PHEX: variants seen among roughly 807,000 people sequenced by gnomAD.
The protein encoded by PHEX is phosphate regulating endopeptidase X-linked.
Under a neutral mutation model 68.0 loss-of-function variants are expected in PHEX, and 16 were observed. The ratio of observed to expected loss-of-function variants is 0.24; its 90% confidence interval spans 0.16 to 0.36. The LOEUF is 0.36. Ranked by LOEUF, PHEX falls within the 10% of genes least tolerant of loss-of-function variation. The pLI is 1.00. For missense variants in PHEX, 480 were observed against 575.5 expected (o/e 0.83, Z 1.70); for synonymous variants, 208 against 205.1 (o/e 1.01, Z -0.12).
At chrX:22,071,875 A>T (rs1231124081) in intron 3 of PHEX, among the ~76,000 whole-genome samples, 1 of 112,122 alleles carries the variant, frequency 8.9e-6, no homozygotes, top group Non-Finnish European at 1.9e-5. Context: ...AGGCGGGTGG[A>T]TCACCTGAGG....
Position 22,108,182 on chromosome X carries a change from T to C in PHEX, c.1080-3285T>C, listed in dbSNP as rs190767348. On this transcript the variant is annotated intron_variant, in intron 9 of 21. Transcript: ENST00000379374. Reference sequence around the variant, plus strand: ...AACCACTTAGTGGCCTCAACAGAGATGGGCAAGGGCTGGACTTTGCTGATT... The same window carrying C: ...AACCACTTAGTGGCCTCAACAGAGACGGGCAAGGGCTGGACTTTGCTGATT... Among the ~76,000 whole-genome samples the C allele has an allele frequency of 1.3e-4, 15 of 111,910 alleles. No individual in the cohort carries two copies. The East Asian group carries it at 3.9e-3, about 29-fold the overall frequency.
chrX:22,163,110 G>A (rs1933193655), intron 12 of PHEX: 1 of 111,893 alleles, frequency 8.9e-6, no homozygotes, highest in Non-Finnish European at 1.9e-5. Flanking sequence ...ACAATTTATA[G>A]GACAAACCCC....
intron 21 of PHEX, 98 bp from the exon 22 acceptor site, chrX:22,247,753 G>T: frequency 1.6e-6 from 1 of 628,378 alleles, no homozygotes; most frequent in South Asian, 2.3e-5. Flanking sequence ...TTAAAAGAAT[G>T]CCAACCTTCT....
chrX:22,166,818 A>C (rs1030098052), intron 12 of PHEX, among the ~76,000 whole-genome samples: 1 of 110,408 alleles, frequency 9.1e-6, no homozygotes, highest in Non-Finnish European at 1.9e-5. Flanking sequence ...ATCCTACTGT[A>C]CTCTGTTATG....
intron 20 of PHEX, among the ~76,000 whole-genome samples, chrX:22,237,513 C>G (rs1936022278): frequency 1.8e-5 from 2 of 111,793 alleles, no homozygotes; most frequent in African/African-American, 6.5e-5. Context: ...TGAGAACCTT[C>G]CTGGTATCTA....
intron 12 of PHEX, chrX:22,163,415 G>A (rs1401758144): frequency 9.0e-6 from 1 of 111,188 alleles, no homozygotes; most frequent in Non-Finnish European, 1.9e-5. Flanking sequence ...TAGGTAGACA[G>A]TAGGCGGTGT....
chrX:22,037,467 A>C lies in PHEX; in HGVS notation c.119-1002A>C, dbSNP rs770355099. Among the ~76,000 whole-genome samples, 4 of 111,513 alleles carry C rather than the reference A, an allele frequency of 3.6e-5. No individual in the cohort carries two copies. In the South Asian group the frequency reaches 1.5e-3, roughly 42 times the overall value. ...CCCCAGAATTTCCTCAGCTACTACA[A>C]ATACTTTTGAAATCTTAAACTAACA... is the stretch of plus-strand genomic sequence containing the variant. On this transcript the variant is annotated intron_variant, in intron 1 of 21. Coordinates refer to ENST00000379374, the MANE Select transcript of PHEX (RefSeq NM_000444.6).
chrX:22,097,797 T>A, intron 8 of PHEX: 3 of 525,868 alleles, frequency 5.7e-6, no homozygotes, highest in Non-Finnish European at 7.0e-6. Context: ...AGACACAGTC[T>A]TGCTGTGTCA....
chrX:22,111,687 C>G, intron 10 of PHEX, 127 bp downstream of exon 10: 1 of 549,755 alleles, frequency 1.8e-6, no homozygotes, highest in Non-Finnish European at 3.1e-6. Flanking sequence ...AGCCCAAGCT[C>G]TATTGTTTTT....
intron 15 of PHEX, among the ~76,000 whole-genome samples, chrX:22,205,321 G>A (rs1427087067): frequency 9.0e-6 from 1 of 111,568 alleles, no homozygotes; most frequent in Non-Finnish European, 1.9e-5. Context: ...GCTGCTGCAG[G>A]GATCCTAAAT....
chrX:22,156,501 A>G (rs1406809215), intron 12 of PHEX, among the ~76,000 whole-genome samples: 1 of 106,997 alleles, frequency 9.3e-6, no homozygotes, highest in Non-Finnish European at 1.9e-5. Flanking sequence ...CCTTTGCTAC[A>G]GTAGCATATT....
rs745474280 is a variant in PHEX, at chrX:22,232,596, C to CTTTTTTTTTTTTTTTTTTT, written c.2070+4997_2070+5015dup. On this transcript the variant is annotated intron_variant, in intron 20 of 21. Transcript: ENST00000379374. ...TCAGAGATTAGGATTGCCACTTCTG[C>CTTTTTTTTTTTTTTTTTTT]TTTTTTTTTTTTTTTTTTTTTTTTT... Among the ~76,000 whole-genome samples the CTTTTTTTTTTTTTTTTTTT allele has an allele frequency of 1.6e-3, 30 of 18,555 alleles. 9 individuals carry two copies. Among genetic ancestry groups the CTTTTTTTTTTTTTTTTTTT allele is most frequent in the Non-Finnish European group, 2.5e-3 (24 of 9,738 alleles). The allele number at this position is 18,555 out of a possible 115,157, so 16.1% of individuals were successfully genotyped here. A position where few individuals can be genotyped will look rare whatever the true frequency, so the allele number is the denominator to read the frequency against.
intron 3 of PHEX, among the ~76,000 whole-genome samples, chrX:22,053,288 C>T (rs935775326): frequency 1.4e-4 from 16 of 111,745 alleles, no homozygotes; most frequent in African/African-American, 9.8e-5. Context: ...TACTACCAAT[C>T]GAAAGAATAC....
rs1388706364 is a variant in PHEX at position 22,202,571 on chromosome X, T to G, written c.1646-10333T>G. 9.8e-5 allele frequency among the ~76,000 whole-genome samples: 11 copies of G among 112,176 alleles called. No individual in the cohort carries two copies. The Admixed American group carries it at 1.0e-3, about 11-fold the overall frequency. On this transcript the variant is annotated intron_variant, in intron 15 of 21. Coordinates refer to ENST00000379374, the MANE Select transcript of PHEX (RefSeq NM_000444.6). The stretch of plus-strand genomic sequence containing the variant: ...TGTTGGAGGAAATGAATAGAGAGAC[T>G]CAGTTTTTTGTCTAACTGATATAGG...
chrX:22,126,861 G>GTT (rs1931745922), intron 11 of PHEX, among the ~76,000 whole-genome samples: 1 of 78,555 alleles, frequency 1.3e-5, no homozygotes, highest in Non-Finnish European at 2.2e-5. Flanking sequence ...ATCTGAAATA[G>GTT]TTGTTTTTTT....
intron 9 of PHEX, among the ~76,000 whole-genome samples, chrX:22,106,496 C>T (rs1484664044): frequency 9.0e-6 from 1 of 111,568 alleles, no homozygotes; most frequent in Non-Finnish European, 1.9e-5. Context: ...TTTGGCCAGG[C>T]GTGGTGGCTC....
At chrX:22,199,570 A>G (rs1220251918) in intron 15 of PHEX, among the ~76,000 whole-genome samples, 2 of 111,608 alleles carry the variant, frequency 1.8e-5, no homozygotes, top group East Asian at 2.8e-4. Context: ...CTCTTTGTCC[A>G]GTGTATCCAT....
chrX:22,152,341 G>A (rs1375830431), intron 12 of PHEX, among the ~76,000 whole-genome samples: 1 of 111,782 alleles, frequency 8.9e-6, no homozygotes, highest in African/African-American at 3.3e-5. Flanking sequence ...TTAATGGAGA[G>A]CATTACTTTT....
chrX:22,238,512 C>T (rs1936066965), intron 20 of PHEX, among the ~76,000 whole-genome samples: 1 of 111,857 alleles, frequency 8.9e-6, no homozygotes, highest in Non-Finnish European at 1.9e-5. Flanking sequence ...AGCTGAGATC[C>T]ACTGGCTTGA....
Sources: allele counts gnomAD v4.1 joint callset (sites outside exome capture counted in the v4.1 genomes callset), GRCh38; gene constraint gnomAD v4.1.1; transcripts MANE v1.5; gene names NCBI Gene and HGNC (gene_info 2026-07-23, HGNC 2026-07-21).